ZBED6: variants seen among roughly 807,000 people sequenced by gnomAD.
ZBED6 encodes zinc finger BED domain-containing protein 6.
In ZBED6, 40 loss-of-function variants were observed where a neutral mutation model predicts 58.4. The observed-to-expected ratio is 0.68, with a 90% CI of 0.53 to 0.89. The LOEUF (loss-of-function observed/expected upper bound fraction) is 0.89, where lower values mean the gene tolerates loss of function less well. Among genes scored for constraint, ZBED6 ranks in the 40% least tolerant of loss-of-function variants. ZBED6 has a pLI of 0.00. For missense variants in ZBED6, 1,057 were observed against 1,003.9 expected (o/e 1.05, Z -0.71); for synonymous variants, 439 against 350.6 (o/e 1.25, Z -2.82).
intron 12 of ZBED6, 32 bp from the exon 13 acceptor site, chr1:203,848,299 A>G (rs777071589): frequency 6.4e-7 from 1 of 1,565,606 alleles, no homozygotes; most frequent in Admixed American, 1.9e-5. Context: ...GCTTAAATAA[A>G]ATAACTAATG....
At chr1:203,805,071 T>C (rs905774262) in intron 1 of ZBED6, among the ~76,000 whole-genome samples, 1 of 152,110 alleles carries the variant, frequency 6.6e-6, no homozygotes, top group African/African-American at 2.4e-5. Flanking sequence ...TCAAGAAATA[T>C]TCATTATTGA....
At chr1:203,842,424 C>T (rs1242497838) in intron 11 of ZBED6, among the ~76,000 whole-genome samples, 1 of 152,168 alleles carries the variant, frequency 6.6e-6, no homozygotes, top group Non-Finnish European at 1.5e-5. Context: ...CGGCGAAACC[C>T]CGTCTCCACC....
At chr1:203,800,210 G>A (rs1351383034) in exon 1 of ZBED6, 13 of 1,478,012 alleles carry the variant, frequency 8.8e-6, no homozygotes, top group South Asian at 2.4e-5. Context: ...GCATATGGCC[G>A]GCTTTGACCC....
intron 3 of ZBED6, among the ~76,000 whole-genome samples, chr1:203,827,365 T>TC (rs1450315191): frequency 6.6e-5 from 10 of 150,524 alleles, no homozygotes; most frequent in East Asian, 4.0e-4. Context: ...TTTTTTTTTT[T>TC]CTCCCAATTT....
At chr1:203,819,007 T>A (rs1346532509) in intron 3 of ZBED6, among the ~76,000 whole-genome samples, 2 of 150,322 alleles carry the variant, frequency 1.3e-5, no homozygotes, top group African/African-American at 4.9e-5. Flanking sequence ...AGTTGGAGGT[T>A]GCAGTGAGCT....
At chr1:203,799,631 C>T (rs909872848) in exon 1 of ZBED6, 10 of 703,164 alleles carry the variant, frequency 1.4e-5, no homozygotes, top group Non-Finnish European at 2.3e-5. Context: ...AGAAAGTGAG[C>T]GTGAAGACCG....
chr1:203,825,601 A>G (rs1224227420), intron 3 of ZBED6, among the ~76,000 whole-genome samples: 1 of 151,772 alleles, frequency 6.6e-6, no homozygotes, highest in African/African-American at 2.4e-5. Context: ...TGCCCAGCTA[A>G]TTTTTGTATT....
At position 203,849,528 on chromosome 1, in the gene ZBED6, A is replaced by G. The variant is rs183498003; in HGVS notation, c.*4323-183A>G. ...ATCTGGGTTTTTTATTATTCCATAC[A>G]TCTGTAATTCTAATCTTTCATCTTT... On this transcript the variant is annotated intron_variant, in intron 13 of 16. Coordinates refer to ENST00000550078, the Ensembl canonical transcript of ZBED6. Among the ~76,000 whole-genome samples the G allele has an allele frequency of 2.2e-3, 332 of 152,286 alleles. 1 individual carries two copies. The highest frequency in any genetic ancestry group is 0.02 in the Middle Eastern group (6 of 294).
In ZBED6 at chr1:203,850,563, C is replaced by T. The variant is rs776852426; in HGVS notation, c.*4687C>T. On this transcript the variant is annotated 3_prime_UTR_variant, in exon 15 of 17. Coordinates refer to ENST00000550078, the Ensembl canonical transcript of ZBED6. Reference sequence around the variant, plus strand: ...CCATCTGTGGTTAAAGTTGTGTCATCCCCCAAATTGGCCCCAAAACGTAAG... The same window carrying T: ...CCATCTGTGGTTAAAGTTGTGTCATTCCCCAAATTGGCCCCAAAACGTAAG... 3.7e-6 allele frequency: 6 copies of T among 1,613,852 alleles called. No individual in the cohort carries two copies. The African/African-American group carries it at 6.7e-5, about 18-fold the overall frequency.
intron 1 of ZBED6, among the ~76,000 whole-genome samples, chr1:203,804,524 C>T (rs746054550): frequency 5.9e-5 from 9 of 152,186 alleles, no homozygotes; most frequent in Non-Finnish European, 1.3e-4. Context: ...ACTCTGCCAT[C>T]ATCTGAATGA....
At position 203,851,235 on chromosome 1, in the gene ZBED6, C is replaced by T. The variant is rs143627973; in HGVS notation, c.*4873+111C>T. 76 of 963,008 alleles carry T rather than the reference C, an allele frequency of 7.9e-5. No individual in the cohort carries two copies. In the African/African-American group the frequency reaches 1.1e-3, roughly 14 times the overall value. 59.7% of individuals were successfully genotyped at this position (963,008 alleles called of 1,614,324 possible). ...TAGCAACATTCAAATAAATCTGTTG[C>T]ACTTCAAATTAATTGCAAGAAAGTA... On this transcript the variant is annotated intron_variant, in intron 16 of 16. Coordinates refer to ENST00000550078, the Ensembl canonical transcript of ZBED6.
intron 9 of ZBED6, among the ~76,000 whole-genome samples, chr1:203,834,833 G>A (rs1683721842): frequency 6.6e-6 from 1 of 151,584 alleles, no homozygotes; most frequent in African/African-American, 2.4e-5. Flanking sequence ...AGTAGAGATG[G>A]GGTTTCCACC....
chr1:203,812,292 T>C (rs974221678), intron 1 of ZBED6, among the ~76,000 whole-genome samples: 6 of 152,186 alleles, frequency 3.9e-5, no homozygotes, highest in Non-Finnish European at 8.8e-5. Context: ...TACCTTCTGA[T>C]AGGCTCCAGT....
intron 11 of ZBED6, among the ~76,000 whole-genome samples, chr1:203,840,976 G>A (rs1479439497): frequency 6.6e-6 from 1 of 152,004 alleles, no homozygotes; most frequent in Non-Finnish European, 1.5e-5. Context: ...ACAATAAAAA[G>A]GGTTTAGATA....
At chr1:203,829,505 T>C (rs1388768975) in exon 5 of ZBED6, 2 of 1,614,022 alleles carry the variant, frequency 1.2e-6, no homozygotes, top group South Asian at 2.2e-5. Context: ...GCTAGCCAAC[T>C]TTCAGTTCAG....
chr1:203,818,760 CAAAAGTGACTTTTAAAAAATATATTA>C, intron 3 of ZBED6, 71 bp downstream of exon 3: 1 of 1,604,712 alleles, frequency 6.2e-7, no homozygotes, highest in Non-Finnish European at 8.5e-7. Context: ...AATATAGGGA[CAAAAGTGACTTTTAAAAAATATATTA>C]AGGCTGAGTG....
chr1:203,849,720 G>A, exon 14 of ZBED6: 1 of 1,613,960 alleles, frequency 6.2e-7, no homozygotes, highest in Non-Finnish European at 8.5e-7. Flanking sequence ...GGCTTCAGGT[G>A]AGACCACAGG....
chr1:203,824,320 C>T (rs1379016419), intron 3 of ZBED6, among the ~76,000 whole-genome samples: 1 of 150,262 alleles, frequency 6.7e-6, no homozygotes, highest in Non-Finnish European at 1.5e-5. Context: ...TTGTTTTTCA[C>T]TTGCATATGA....
At chr1:203,798,730 G>A in exon 1 of ZBED6, 1 of 1,536,134 alleles carries the variant, frequency 6.5e-7, no homozygotes, top group Non-Finnish European at 8.7e-7. Flanking sequence ...ACATGTTGTG[G>A]AAATCCAGTC....
Sources: allele counts gnomAD v4.1 joint callset (sites outside exome capture counted in the v4.1 genomes callset), GRCh38; gene constraint gnomAD v4.1.1; transcripts MANE v1.5; gene names NCBI Gene and HGNC (gene_info 2026-07-23, HGNC 2026-07-21).